Variants in CNTNAP2 observed in about 807,000 individuals in gnomAD.
CNTNAP2 encodes the protein contactin associated protein 2.
In CNTNAP2, 98 loss-of-function variants were observed where a neutral mutation model predicts 155.2. The ratio of observed to expected loss-of-function variants is 0.63; its 90% CI spans 0.54 to 0.75. The LOEUF (loss-of-function observed/expected upper bound fraction) is 0.75. Ranked by LOEUF, CNTNAP2 falls within the 30% of genes least tolerant of loss-of-function variation. CNTNAP2 has a pLI of 0.00. For synonymous variants in CNTNAP2, 651 were observed against 631.2 expected, an observed-to-expected ratio of 1.03 and a Z score of -0.47; for missense variants, 1,727 against 1,688.1, an observed-to-expected ratio of 1.02 and a Z score of -0.40.
intron 8 of CNTNAP2, among the ~76,000 whole-genome samples, chr7:147,141,496 A>G (rs1205685850): frequency 6.6e-6 from 1 of 152,052 alleles, no homozygotes; most frequent in Admixed American, 6.6e-5. Flanking sequence ...TAAGCCATTT[A>G]ATGCTTGGAA....
At chr7:146,365,154 C>T (rs1024061362) in intron 1 of CNTNAP2, among the ~76,000 whole-genome samples, 2 of 152,096 alleles carry the variant, frequency 1.3e-5, no homozygotes, top group African/African-American at 4.8e-5. Flanking sequence ...CTCCAATGCA[C>T]CACTTCATAT....
Position 146,907,607 on chromosome 7 carries a change from T to C in CNTNAP2, c.402+67703T>C, listed in dbSNP as rs1016722302. Among the ~76,000 whole-genome samples the C allele has an allele frequency of 4.7e-3, 685 of 144,904 alleles. 5 individuals carry two copies. The highest frequency in any genetic ancestry group is 0.017 in the African/African-American group (643 of 38,936). On this transcript the variant is annotated intron_variant, in intron 3 of 23. Transcript: ENST00000361727. Reference sequence around the variant, plus strand: ...TTACAGACAAGCAAATGCTGAGAGATTTTGTCACCACCAAGCCTGCCCTAA... The same window carrying C: ...TTACAGACAAGCAAATGCTGAGAGACTTTGTCACCACCAAGCCTGCCCTAA...
intron 1 of CNTNAP2, among the ~76,000 whole-genome samples, chr7:146,181,064 T>G (rs1350670351): frequency 6.6e-6 from 1 of 152,198 alleles, no homozygotes; most frequent in Non-Finnish European, 1.5e-5. Context: ...ACTTCTGTTA[T>G]GAGTAGGAAC....
chr7:146,781,664 A>G (rs1018426272), intron 2 of CNTNAP2, among the ~76,000 whole-genome samples: 2 of 152,140 alleles, frequency 1.3e-5, no homozygotes, highest in Non-Finnish European at 2.9e-5. Flanking sequence ...TACTCTTGAG[A>G]AATCTATTAT....
At chr7:147,042,661 CA>C (rs1187347942) in intron 3 of CNTNAP2, among the ~76,000 whole-genome samples, 1 of 151,964 alleles carries the variant, frequency 6.6e-6, no homozygotes, top group African/African-American at 2.4e-5. Context: ...TAGATAGAAG[CA>C]AATTCAGTCC....
chr7:147,631,808 C>T (rs1297016465), intron 12 of CNTNAP2, among the ~76,000 whole-genome samples: 2 of 152,106 alleles, frequency 1.3e-5, no homozygotes, highest in African/African-American at 4.8e-5. Flanking sequence ...ATCCTCATCG[C>T]TTAACTTATG....
intron 1 of CNTNAP2, among the ~76,000 whole-genome samples, chr7:146,380,372 C>A (rs1270572426): frequency 6.6e-6 from 1 of 152,038 alleles, no homozygotes; most frequent in African/African-American, 2.4e-5. Flanking sequence ...TAATGGAGAT[C>A]GGTTAAATAA....
At chr7:146,128,204 T>C (rs1468081004) in intron 1 of CNTNAP2, among the ~76,000 whole-genome samples, 1 of 152,210 alleles carries the variant, frequency 6.6e-6, no homozygotes, top group African/African-American at 2.4e-5. Context: ...TATTAGGGAA[T>C]GGTTGTATTA....
intron 14 of CNTNAP2, among the ~76,000 whole-genome samples, chr7:147,957,755 A>G (rs981119907): frequency 2.0e-5 from 3 of 152,186 alleles, no homozygotes; most frequent in Non-Finnish European, 4.4e-5. Flanking sequence ...TGGAAATCAA[A>G]TTGTATACGT....
At chr7:147,425,618 A>G (rs978173869) in intron 10 of CNTNAP2, among the ~76,000 whole-genome samples, 1 of 152,130 alleles carries the variant, frequency 6.6e-6, no homozygotes, top group African/African-American at 2.4e-5. Context: ...TAATATGGCT[A>G]CCTAACTTCT....
chr7:147,207,441 T>C (rs7805359), intron 8 of CNTNAP2, among the ~76,000 whole-genome samples: 65,383 of 151,896 alleles, frequency 0.43, 14,615 homozygotes, highest in South Asian at 0.64. Flanking sequence ...ATTAATTGGA[T>C]GAAAATGTAG....
chr7:147,926,066 AATT>A (rs2116790381), intron 14 of CNTNAP2, among the ~76,000 whole-genome samples: 1 of 152,332 alleles, frequency 6.6e-6, no homozygotes, highest in Admixed American at 6.5e-5. Context: ...AAATATATTT[AATT>A]ACGCTCTACT....
At chr7:147,957,286 T>G (rs1278629806) in intron 14 of CNTNAP2, among the ~76,000 whole-genome samples, 1 of 152,130 alleles carries the variant, frequency 6.6e-6, no homozygotes, top group Non-Finnish European at 1.5e-5. Flanking sequence ...TGTTTGTTTG[T>G]TTCTCAAAGA....
At chr7:147,873,007 T>C (rs1397509518) in intron 13 of CNTNAP2, among the ~76,000 whole-genome samples, 2 of 152,156 alleles carry the variant, frequency 1.3e-5, no homozygotes, top group African/African-American at 2.4e-5. Context: ...TTCAATAAAG[T>C]AAAAGTGCTA....
At chr7:147,289,843 T>C (rs545896826) in intron 8 of CNTNAP2, among the ~76,000 whole-genome samples, 1 of 152,332 alleles carries the variant, frequency 6.6e-6, no homozygotes, top group South Asian at 2.1e-4. Flanking sequence ...AATAATTTCA[T>C]ATATATTGGG....
At chr7:146,203,648 C>T (rs1201243662) in intron 1 of CNTNAP2, among the ~76,000 whole-genome samples, 2 of 152,086 alleles carry the variant, frequency 1.3e-5, no homozygotes, top group South Asian at 2.1e-4. Flanking sequence ...AACCTTCATC[C>T]TCTTTCTCCT....
chr7:147,814,321 A>C (rs1297485710), intron 13 of CNTNAP2, among the ~76,000 whole-genome samples: 1 of 152,190 alleles, frequency 6.6e-6, no homozygotes, highest in Non-Finnish European at 1.5e-5. Flanking sequence ...CATGATTTTC[A>C]TCATTTATTA....
At chr7:146,469,993 C>T (rs1027173295) in intron 1 of CNTNAP2, among the ~76,000 whole-genome samples, 17 of 151,942 alleles carry the variant, frequency 1.1e-4, no homozygotes, top group African/African-American at 4.1e-4. Context: ...GTGCCCACCA[C>T]CACGCCCGGC....
chr7:147,242,081 G>T (rs556362183), intron 8 of CNTNAP2, among the ~76,000 whole-genome samples: 1 of 152,012 alleles, frequency 6.6e-6, no homozygotes, highest in African/African-American at 2.4e-5. Context: ...TTTTTTCATC[G>T]CTTTGTAAAT....
Sources: allele counts gnomAD v4.1 joint callset (sites outside exome capture counted in the v4.1 genomes callset), GRCh38; gene constraint gnomAD v4.1.1; transcripts MANE v1.5; gene names NCBI Gene and HGNC (gene_info 2026-07-23, HGNC 2026-07-21).